Variants in KDM5B observed in about 807,000 individuals in gnomAD.
KDM5B encodes lysine demethylase 5B, also known as lysine-specific demethylase 5B.
In KDM5B, 144 loss-of-function variants were observed where a neutral mutation model predicts 193.4. The ratio of observed to expected loss-of-function variants is 0.74; its 90% CI spans 0.65 to 0.86. The LOEUF (loss-of-function observed/expected upper bound fraction) is 0.86, where lower values mean the gene tolerates loss of function less well. Ranked by LOEUF, KDM5B falls within the 40% of genes least tolerant of loss-of-function variation. KDM5B has a pLI of 0.00. For missense variants in KDM5B, 1,833 were observed against 1,886.9 expected, an observed-to-expected ratio of 0.97 and a Z score of 0.53; for synonymous variants, 668 against 682.6, an observed-to-expected ratio of 0.98 and a Z score of 0.33.
At chr1:202,805,380 C>T (rs1440503272) in intron 1 of KDM5B, among the ~76,000 whole-genome samples, 1 of 152,158 alleles carries the variant, frequency 6.6e-6, no homozygotes, top group Non-Finnish European at 1.5e-5. Context: ...AATGTAAGTA[C>T]TCTAAGTTTT....
chr1:202,736,127 T>C, intron 21 of KDM5B, 86 bp downstream of exon 21: 2 of 957,926 alleles, frequency 2.1e-6, no homozygotes, highest in East Asian at 2.7e-5. Context: ...GATTAATCTG[T>C]GATGTCATCT....
intron 16 of KDM5B, among the ~76,000 whole-genome samples, chr1:202,744,039 T>C (rs1404332030): frequency 6.6e-6 from 1 of 151,690 alleles, no homozygotes; most frequent in African/African-American, 2.4e-5. Context: ...ATCATCAGAG[T>C]GAATAGACAA....
At chr1:202,777,878 T>G (rs963351511) in intron 1 of KDM5B, among the ~76,000 whole-genome samples, 1 of 151,884 alleles carries the variant, frequency 6.6e-6, no homozygotes, top group Non-Finnish European at 1.5e-5. Flanking sequence ...CAAATCCAAT[T>G]TTAAAAGTCA....
At position 202,767,520 on chromosome 1, in the gene KDM5B, G is replaced by A. The variant is rs184329253; in HGVS notation, c.577-460C>T. ...TTTTCACGACCTTGTTCCCCGGTGT[G>A]CAAGGACTGAAAGGATTCCCTCCTT... On this transcript the variant is annotated intron_variant, in intron 4 of 26. Coordinates refer to ENST00000367265, the MANE Select transcript of KDM5B (RefSeq NM_006618.5). 130 of 677,212 alleles carry A rather than the reference G, an allele frequency of 1.9e-4. 1 individual carries two copies. The African/African-American group carries it at 2.0e-3, about 10-fold the overall frequency. 42.0% of individuals were successfully genotyped at this position (677,212 alleles called of 1,614,324 possible).
rs1654740615 is a variant in KDM5B, at chr1:202,728,138, G to GC, written c.*897dup. Reference sequence around the variant, plus strand: ...AAAGCAAGCAGCCCCTTCTGGCTGTGCAACAGTAGAGGGGCAGAAGAAGCT... The same window carrying GC: ...AAAGCAAGCAGCCCCTTCTGGCTGTGCCAACAGTAGAGGGGCAGAAGAAGCT... On this transcript the variant is annotated 3_prime_UTR_variant, in exon 27 of 27. Transcript: ENST00000367265. 6.6e-6 allele frequency: 1 copy of GC among 152,282 alleles called. No individual in the cohort carries two copies. The highest frequency in any genetic ancestry group is 2.4e-5 in the African/African-American group (1 of 41,468). 9.4% of individuals were successfully genotyped at this position (152,282 alleles called of 1,614,324 possible).
At chr1:202,748,865 T>G in intron 14 of KDM5B, 80 bp downstream of exon 14, 1 of 1,157,816 alleles carries the variant, frequency 8.6e-7, no homozygotes, top group Non-Finnish European at 1.2e-6. Flanking sequence ...AAAGACTGCT[T>G]AAAATGATAT....
intron 14 of KDM5B, among the ~76,000 whole-genome samples, chr1:202,747,909 A>G (rs986380091): frequency 6.6e-6 from 1 of 152,172 alleles, no homozygotes; most frequent in East Asian, 1.9e-4. Flanking sequence ...GTAGAAATCA[A>G]TAAGCTGATT....
chr1:202,774,955 T>C (rs10920479), intron 2 of KDM5B, among the ~76,000 whole-genome samples: 28,174 of 152,090 alleles, frequency 0.19, 2,977 homozygotes, highest in Middle Eastern at 0.28. Flanking sequence ...TAATTATACA[T>C]GGCCGGCCGG....
chr1:202,789,567 G>GGAAAAGAA (rs1558515451), intron 1 of KDM5B, among the ~76,000 whole-genome samples: 9 of 118,628 alleles, frequency 7.6e-5, no homozygotes, highest in Non-Finnish European at 1.4e-4. Context: ...AAGGAAAGGA[G>GGAAAAGAA]AAAGGAAAAG....
intron 4 of KDM5B, 52 bp downstream of exon 4, chr1:202,773,066 T>C (rs879310706): frequency 3.4e-5 from 42 of 1,231,950 alleles, no homozygotes; most frequent in Admixed American, 2.3e-4. Context: ...GAAAAGACAA[T>C]GTACCAATAA....
rs1656489102 is a variant in KDM5B, at chr1:202,766,956, T to TG, written c.680dup (p.Ala228SerfsTer15). The TG allele has an allele frequency of 1.9e-6, 3 of 1,583,100 alleles. No homozygotes were observed. The highest frequency in any genetic ancestry group is 1.4e-5 in the African/African-American group (1 of 72,630). ...CTCTCATGCGTTTTGCTCGTCGGGCTGGGGGGCACGTTTCCGAAGGCTGCA... is the reference window on the plus strand; with the variant it reads ...CTCTCATGCGTTTTGCTCGTCGGGCTGGGGGGGCACGTTTCCGAAGGCTGCA... On this transcript the variant is annotated frameshift_variant, in exon 5 of 27. Coordinates refer to ENST00000367265, the MANE Select transcript of KDM5B (RefSeq NM_006618.5). LOFTEE classifies it high-confidence loss of function.
At chr1:202,793,089 A>G (rs1383428394) in intron 1 of KDM5B, among the ~76,000 whole-genome samples, 1 of 152,150 alleles carries the variant, frequency 6.6e-6, no homozygotes, top group Non-Finnish European at 1.5e-5. Context: ...ATTATATATT[A>G]AATTAGAAGA....
At chr1:202,764,184 G>A in intron 5 of KDM5B, 39 bp from the exon 6 acceptor site, 1 of 1,093,434 alleles carries the variant, frequency 9.1e-7, no homozygotes, top group Non-Finnish European at 1.3e-6. Context: ...TTTCCTTTAA[G>A]AAGAAATAAT....
chr1:202,746,663 T>C (rs1380496109), intron 14 of KDM5B: 6 of 160,314 alleles, frequency 3.7e-5, no homozygotes, highest in African/African-American at 7.4e-5. Context: ...ATAAGAGGTA[T>C]AGATAAGATT....
chr1:202,736,641 T>A (rs1309440573), intron 20 of KDM5B, among the ~76,000 whole-genome samples: 7 of 151,760 alleles, frequency 4.6e-5, no homozygotes, highest in Admixed American at 2.0e-4. Flanking sequence ...GGTGGTAGTG[T>A]TGTTTTTTTT....
rs757900842 is a variant in KDM5B at position 202,740,783 on chromosome 1, G to A, written c.2975C>T (p.Thr992Met). Residue 992 changes from threonine (T) to methionine (M), a missense_variant, in exon 20 of 27, where the codon ACG becomes ATG. By Grantham distance (81) the Thr-to-Met change is moderately conservative. Around this residue, in one of 3 missense-constraint regions of KDM5B, gnomAD observed 1,379 missense variants for 1,349.6 expected, o/e 1.02. Coordinates refer to ENST00000367265, the MANE Select transcript of KDM5B (RefSeq NM_006618.5). ...RPRHSLNSLA[T>M]AVKEIEEIPA... The stretch of plus-strand genomic sequence containing the variant: ...GATCTCTTCGATTTCCTTTACTGCC[G>A]TAGCAAGGCTATTCAATGAATGTCG... 1.1e-5 allele frequency: 17 copies of A among 1,612,238 alleles called. No individual in the cohort carries two copies. The highest frequency in any genetic ancestry group is 4.5e-5 in the East Asian group (2 of 44,874).
chr1:202,776,723 G>A (rs1656972115), intron 2 of KDM5B, among the ~76,000 whole-genome samples: 1 of 151,966 alleles, frequency 6.6e-6, no homozygotes, highest in African/African-American at 2.4e-5. Context: ...CATCACACGT[G>A]GCTAATTTTT....
chr1:202,735,323 C>A, intron 22 of KDM5B, 106 bp downstream of exon 22: 1 of 1,229,950 alleles, frequency 8.1e-7, no homozygotes, highest in Non-Finnish European at 1.1e-6. Context: ...AAACTGAACG[C>A]TTTCAAGTTA....
chr1:202,773,404 G>C (rs1201225353), intron 3 of KDM5B, 116 bp from the exon 4 acceptor site: 2 of 773,412 alleles, frequency 2.6e-6, no homozygotes, highest in Non-Finnish European at 4.2e-6. Flanking sequence ...AACATGTTTT[G>C]CCAATCATAT....
Sources: allele counts gnomAD v4.1 joint callset (sites outside exome capture counted in the v4.1 genomes callset), GRCh38; gene constraint gnomAD v4.1.1; regional missense constraint gnomAD v4.1.1; transcripts MANE v1.5; gene names NCBI Gene and HGNC (gene_info 2026-07-23, HGNC 2026-07-21).